STXBP5: variants seen among roughly 807,000 people sequenced by gnomAD.
STXBP5 encodes the protein syntaxin-binding protein 5.
Under a neutral mutation model 152.4 loss-of-function variants are expected in STXBP5, and 50 were observed. The ratio of observed to expected loss-of-function variants is 0.33; its 90% CI spans 0.26 to 0.42. The LOEUF (loss-of-function observed/expected upper bound fraction) is 0.42. Ranked by LOEUF, STXBP5 falls within the 10% of genes least tolerant of loss-of-function variation. The pLI is 1.00. For missense variants in STXBP5, 1,167 were observed against 1,388.6 expected, an observed-to-expected ratio of 0.84 and a Z score of 2.54; for synonymous variants, 492 against 494.7, an observed-to-expected ratio of 0.99 and a Z score of 0.07.
intron 9 of STXBP5, among the ~76,000 whole-genome samples, chr6:147,301,770 T>G (rs1025042013): frequency 6.6e-5 from 10 of 152,206 alleles, no homozygotes; most frequent in Admixed American, 5.9e-4. Flanking sequence ...CTCCCTACAC[T>G]GTATAATAAA....
intron 4 of STXBP5, among the ~76,000 whole-genome samples, chr6:147,255,471 C>T (rs1394539505): frequency 6.6e-6 from 1 of 151,762 alleles, no homozygotes; most frequent in African/African-American, 2.4e-5. Context: ...CAAGAAAGGT[C>T]TACTTCATGA....
chr6:147,328,498 G>C (rs895569523), intron 18 of STXBP5, among the ~76,000 whole-genome samples: 1 of 152,134 alleles, frequency 6.6e-6, no homozygotes, highest in African/African-American at 2.4e-5. Flanking sequence ...CAATTCATGG[G>C]GGGTAGAATT....
intron 21 of STXBP5, among the ~76,000 whole-genome samples, chr6:147,350,403 A>T (rs560878334): frequency 6.6e-6 from 1 of 152,128 alleles, no homozygotes; most frequent in Non-Finnish European, 1.5e-5. Flanking sequence ...CAATGTATGT[A>T]TAGATGGTGA....
At chr6:147,330,264 A>G (rs1300791302) in intron 18 of STXBP5, among the ~76,000 whole-genome samples, 1 of 152,160 alleles carries the variant, frequency 6.6e-6, no homozygotes, top group Non-Finnish European at 1.5e-5. Flanking sequence ...ATTCAGTAGA[A>G]TGATAAAACT....
chr6:147,345,255 CAT>C (rs1040693424), intron 21 of STXBP5, among the ~76,000 whole-genome samples: 2 of 152,076 alleles, frequency 1.3e-5, no homozygotes, highest in Admixed American at 6.5e-5. Context: ...TGGAAACAGA[CAT>C]ATATAGAGCG....
intron 9 of STXBP5, chr6:147,293,149 A>G (rs1028739273): frequency 6.6e-6 from 1 of 152,220 alleles, no homozygotes; most frequent in African/African-American, 2.4e-5. Flanking sequence ...AATATAGCCT[A>G]GATATGTAGT....
At chr6:147,235,854 C>A (rs1346793586) in intron 3 of STXBP5, among the ~76,000 whole-genome samples, 1 of 152,082 alleles carries the variant, frequency 6.6e-6, no homozygotes, top group Admixed American at 6.6e-5. Flanking sequence ...AGCATTTTAT[C>A]GGCATAGGAA....
chr6:147,314,575 T>G (rs1782547124), intron 13 of STXBP5, 21 bp from the exon 14 acceptor site: 1 of 1,606,738 alleles, frequency 6.2e-7, no homozygotes, highest in Non-Finnish European at 8.5e-7. Context: ...TTCATCACAT[T>G]CTTAACATTG....
At chr6:147,329,986 T>C (rs1320581133) in intron 18 of STXBP5, among the ~76,000 whole-genome samples, 1 of 152,142 alleles carries the variant, frequency 6.6e-6, no homozygotes, top group Non-Finnish European at 1.5e-5. Flanking sequence ...TACAAATAGA[T>C]GCTGATATAT....
intron 21 of STXBP5, among the ~76,000 whole-genome samples, chr6:147,348,789 A>G (rs1194422332): frequency 2.0e-5 from 3 of 152,202 alleles, no homozygotes; most frequent in Admixed American, 1.3e-4. Flanking sequence ...TAACTGATTC[A>G]TAAGTGTTCA....
chr6:147,303,281 T>C (rs1251112244), intron 9 of STXBP5, among the ~76,000 whole-genome samples: 3 of 152,122 alleles, frequency 2.0e-5, no homozygotes, highest in Non-Finnish European at 2.9e-5. Flanking sequence ...GTTTCCCCCA[T>C]GCTATTCTCA....
At chr6:147,363,034 C>T (rs1582998506) in intron 23 of STXBP5, among the ~76,000 whole-genome samples, 1 of 152,186 alleles carries the variant, frequency 6.6e-6, no homozygotes, top group African/African-American at 2.4e-5. Flanking sequence ...GTTCCAGATA[C>T]TCCAGCATGT....
intron 23 of STXBP5, among the ~76,000 whole-genome samples, chr6:147,362,974 C>T (rs1785131696): frequency 6.6e-6 from 1 of 152,226 alleles, no homozygotes; most frequent in Admixed American, 6.5e-5. Flanking sequence ...GTGCTATCCA[C>T]TTGCTCTCCT....
chr6:147,251,361 G>A (rs528045659), intron 4 of STXBP5, among the ~76,000 whole-genome samples: 4 of 152,242 alleles, frequency 2.6e-5, no homozygotes, highest in East Asian at 3.9e-4. Context: ...AAAACTGGCC[G>A]GCCGTTTGGG....
intron 21 of STXBP5, among the ~76,000 whole-genome samples, chr6:147,346,225 TG>T (rs924067869): frequency 9.8e-5 from 15 of 152,320 alleles, no homozygotes; most frequent in Middle Eastern, 3.4e-3. Context: ...TAAGTGATTC[TG>T]GGACTCCTGA....
chr6:147,295,579 A>G (rs973404817), intron 9 of STXBP5, among the ~76,000 whole-genome samples: 3 of 152,160 alleles, frequency 2.0e-5, no homozygotes, highest in African/African-American at 7.2e-5. Flanking sequence ...ACCCAGGATG[A>G]CGGCATAGAG....
At chr6:147,213,477 T>TGCGCGC (rs1554282764) in intron 2 of STXBP5, among the ~76,000 whole-genome samples, 33 of 131,322 alleles carry the variant, frequency 2.5e-4, no homozygotes, top group African/African-American at 8.3e-4. Flanking sequence ...TGTGTGTGTG[T>TGCGCGC]GCGCGCGCAT....
intron 21 of STXBP5, among the ~76,000 whole-genome samples, chr6:147,341,557 C>G (rs1784093843): frequency 6.6e-6 from 1 of 152,110 alleles, no homozygotes; most frequent in Non-Finnish European, 1.5e-5. Context: ...CAGGGTTGCA[C>G]TAGTAAAAGA....
chr6:147,301,240 T>G (rs1410213286), intron 9 of STXBP5, among the ~76,000 whole-genome samples: 1 of 151,980 alleles, frequency 6.6e-6, no homozygotes, highest in East Asian at 1.9e-4. Flanking sequence ...CATATGGAGG[T>G]TCCCCAAAAA....
Sources: allele counts gnomAD v4.1 joint callset (sites outside exome capture counted in the v4.1 genomes callset), GRCh38; gene constraint gnomAD v4.1.1; transcripts MANE v1.5; gene names NCBI Gene and HGNC (gene_info 2026-07-23, HGNC 2026-07-21).